Variants in CATSPERE observed in about 807,000 individuals in gnomAD.
CATSPERE encodes catsper channel auxiliary subunit epsilon.
CATSPERE carries 93 observed loss-of-function variants against 114.1 expected under a neutral mutation model. The observed-to-expected ratio is 0.81, with a 90% CI of 0.69 to 0.97. The LOEUF is 0.97. CATSPERE is among the 50% of genes least tolerant of loss of function. CATSPERE has a pLI of 0.00. For synonymous variants in CATSPERE, 341 were observed against 384.1 expected (o/e 0.89, Z 1.31); for missense variants, 1,058 against 1,131.6 (o/e 0.93, Z 0.93).
chr1:244,531,720 A>G (rs1172321731), intron 8 of CATSPERE, among the ~76,000 whole-genome samples: 2 of 152,260 alleles, frequency 1.3e-5, no homozygotes, highest in East Asian at 1.9e-4. Context: ...CTGTCATTGA[A>G]TTCGGTTTGT....
chr1:244,634,153 C>T (rs1414687483), intron 20 of CATSPERE, among the ~76,000 whole-genome samples: 5 of 152,086 alleles, frequency 3.3e-5, no homozygotes, highest in African/African-American at 9.7e-5. Flanking sequence ...TGTGAGCCAC[C>T]GTGCCCAGCC....
chr1:244,609,361 T>TC, intron 18 of CATSPERE, among the ~76,000 whole-genome samples: 1 of 151,570 alleles, frequency 6.6e-6, no homozygotes, highest in Non-Finnish European at 1.5e-5. Context: ...TCACTTCCTT[T>TC]TTTTTTTTTT....
chr1:244,622,565 G>A (rs555986933), intron 20 of CATSPERE, among the ~76,000 whole-genome samples: 4 of 151,970 alleles, frequency 2.6e-5, no homozygotes, highest in South Asian at 4.1e-4. Flanking sequence ...CACCACGCCC[G>A]GCTAATTTTT....
chr1:244,452,006 G>T, upstream of CATSPERE: 3 of 555,050 alleles, frequency 5.4e-6, no homozygotes, highest in Non-Finnish European at 8.9e-6. Context: ...CGCTCAAGGG[G>T]GTACCATGAC....
chr1:244,494,626 T>C (rs1572396267), intron 6 of CATSPERE, among the ~76,000 whole-genome samples: 2 of 148,710 alleles, frequency 1.3e-5, no homozygotes, highest in African/African-American at 4.9e-5. Flanking sequence ...ATGAAGGGGG[T>C]CCTAAGATCA....
chr1:244,520,380 G>T (rs1436772151), intron 8 of CATSPERE, among the ~76,000 whole-genome samples: 8 of 152,114 alleles, frequency 5.3e-5, no homozygotes, highest in Non-Finnish European at 1.2e-4. Flanking sequence ...AGCATAATTT[G>T]CTGAAAAGAC....
chr1:244,505,098 A>G (rs1017644029), intron 7 of CATSPERE, among the ~76,000 whole-genome samples: 6 of 152,310 alleles, frequency 3.9e-5, no homozygotes, highest in African/African-American at 1.4e-4. Flanking sequence ...TCTTTCAGTC[A>G]GCTCCTGCAT....
At position 244,530,990 on chromosome 1, in the gene CATSPERE, G is replaced by A. The variant is rs181069042; in HGVS notation, c.536+12292G>A. On this transcript the variant is annotated intron_variant, in intron 8 of 21. Coordinates refer to ENST00000366534, the MANE Select transcript of CATSPERE (RefSeq NM_001130957.2). The stretch of plus-strand genomic sequence containing the variant: ...CACGCCTGTAATCCCAGCACTCTGG[G>A]AGGCCGAGGCAGGCAGATCACCAGG... 4.1e-4 allele frequency among the ~76,000 whole-genome samples: 62 copies of A among 152,130 alleles called. 1 individual carries two copies. Among genetic ancestry groups the A allele is most frequent in the African/African-American group, 1.4e-3 (60 of 41,506 alleles).
intron 7 of CATSPERE, among the ~76,000 whole-genome samples, chr1:244,509,251 A>G (rs1452207967): frequency 6.6e-6 from 1 of 150,726 alleles, no homozygotes; most frequent in Admixed American, 6.6e-5. Context: ...TGTTCCTTCT[A>G]TGCCTAATTT....
intron 10 of CATSPERE, among the ~76,000 whole-genome samples, chr1:244,564,454 A>T (rs887311402): frequency 2.6e-5 from 4 of 152,104 alleles, no homozygotes; most frequent in African/African-American, 9.7e-5. Flanking sequence ...TTCTCCTTGA[A>T]GAGGTCCTTT....
intron 20 of CATSPERE, among the ~76,000 whole-genome samples, chr1:244,622,741 T>C (rs974625379): frequency 6.6e-6 from 1 of 152,222 alleles, no homozygotes; most frequent in Non-Finnish European, 1.5e-5. Flanking sequence ...GATTCCCATA[T>C]TCTGGCTGTG....
At chr1:244,461,775 C>A (rs1339554671) in intron 1 of CATSPERE, among the ~76,000 whole-genome samples, 1 of 152,164 alleles carries the variant, frequency 6.6e-6, no homozygotes, top group African/African-American at 2.4e-5. Context: ...AACATCTGAG[C>A]CCCAATGAAA....
intron 8 of CATSPERE, among the ~76,000 whole-genome samples, chr1:244,538,818 G>A (rs1253867635): frequency 6.6e-6 from 1 of 152,150 alleles, no homozygotes; most frequent in Non-Finnish European, 1.5e-5. Context: ...AGTACCAGCA[G>A]GGCTAGACCA....
upstream of CATSPERE, chr1:244,452,059 A>G: frequency 2.8e-6 from 1 of 354,722 alleles, no homozygotes; most frequent in Non-Finnish European, 5.0e-6. Flanking sequence ...CCGCAGGAAG[A>G]GGCCCTGGTG....
rs1199515839 is a variant in CATSPERE at position 244,461,433 on chromosome 1, T to A, written c.4T>A (p.Ser2Thr). The A allele has an allele frequency of 7.2e-7, 1 of 1,381,654 alleles. No homozygotes were observed. Among genetic ancestry groups the A allele is most frequent in the Non-Finnish European group, 9.5e-7 (1 of 1,057,780 alleles). The allele number at this position is 1,381,654 out of a possible 1,614,324, so 85.6% of individuals were successfully genotyped here. M[S>T]AREVAVLLLW... is the part of the protein sequence containing the mutation. The stretch of plus-strand genomic sequence containing the variant: ...GGGCGGAGGCGGAGCAGGCGCCATG[T>A]CAGCCCGGGAAGTGGCCGTGCTGCT... The change falls in exon 1 of 22, where the codon TCA becomes ACA. Residue 2 changes from serine (S) to threonine (T), a missense_variant. By Grantham distance (58) the Ser-to-Thr change is moderately conservative. This residue lies in a region of CATSPERE where 271 missense variants were observed against 225.9 expected (regional missense o/e 1.20). Coordinates refer to ENST00000366534, the MANE Select transcript of CATSPERE (RefSeq NM_001130957.2).
rs56940000 is a variant in CATSPERE, at chr1:244,621,214, T to TAAATATATCTATATATTATATAG, written c.2648+3529_2648+3530insAATATATCTATATATTATATAGA. 1.4e-4 allele frequency among the ~76,000 whole-genome samples: 3 copies of TAAATATATCTATATATTATATAG among 20,968 alleles called. 1 individual carries two copies. The highest frequency in any genetic ancestry group is 5.9e-4 in the African/African-American group (3 of 5,066). 13.8% of individuals were successfully genotyped at this position (20,968 alleles called of 152,430 possible). On this transcript the variant is annotated intron_variant, in intron 20 of 21. Transcript: ENST00000366534. ...ATATATTTATATAGATATATTTATA[T>TAAATATATCTATATATTATATAG]ATATATTTATATAAATATATTTATA... is the stretch of plus-strand genomic sequence containing the variant.
chr1:244,515,947 A>C (rs1251420702), intron 7 of CATSPERE, among the ~76,000 whole-genome samples: 1 of 151,500 alleles, frequency 6.6e-6, no homozygotes, highest in Non-Finnish European at 1.5e-5. Context: ...TAATCCCAGC[A>C]CTTTGGAAGG....
At chr1:244,630,893 A>C (rs1673858477) in intron 20 of CATSPERE, among the ~76,000 whole-genome samples, 1 of 152,234 alleles carries the variant, frequency 6.6e-6, no homozygotes, top group Non-Finnish European at 1.5e-5. Flanking sequence ...TAATGCATTC[A>C]TATCAACAAT....
intron 5 of CATSPERE, 91 bp from the exon 6 acceptor site, chr1:244,490,356 A>C (rs918461629): frequency 7.4e-6 from 6 of 815,306 alleles, no homozygotes; most frequent in Non-Finnish European, 1.2e-5. Context: ...GAATATGCAA[A>C]GGTTTAGAAA....
Sources: gnomAD v4.1 joint callset for allele counts (sites outside exome capture counted in the v4.1 genomes callset) on GRCh38, gnomAD v4.1.1 for gene constraint, gnomAD v4.1.1 regional missense constraint, MANE v1.5 for transcripts, NCBI Gene and HGNC (gene_info 2026-07-23, HGNC 2026-07-21) for gene names.